The following PLIN5 variants were observed in gnomAD, a reference collection of about 807,000 sequenced individuals.
The protein encoded by PLIN5 is perilipin 5.
Under a neutral mutation model 32.8 loss-of-function variants are expected in PLIN5, and 34 were observed. The observed-to-expected ratio is 1.04, with a 90% CI of 0.79 to 1.38. The LOEUF is 1.38. PLIN5 is among the 40% of genes most tolerant of loss of function. The probability of loss-of-function intolerance (pLI) is 0.00; values close to 1 mark genes in which losing one functional copy is unlikely to be tolerated. For missense variants in PLIN5, 712 were observed against 660.5 expected, an observed-to-expected ratio of 1.08 and a Z score of -0.85; for synonymous variants, 309 against 292.9, an observed-to-expected ratio of 1.05 and a Z score of -0.56.
In PLIN5 at chr19:4,525,562, G is replaced by T; in HGVS notation, c.720+71C>A. 1.3e-6 allele frequency: 2 copies of T among 1,560,064 alleles called. No homozygotes were observed. Among genetic ancestry groups the T allele is most frequent in the East Asian group, 2.3e-5 (1 of 44,422 alleles). Reference sequence around the variant, plus strand: ...CTGCTTTAGGCTAGCACGGGATCCGGTATTCAGCTGGTGCTCAATCCATAC... The same window carrying T: ...CTGCTTTAGGCTAGCACGGGATCCGTTATTCAGCTGGTGCTCAATCCATAC... On this transcript the variant is annotated intron_variant, in intron 6 of 7. Transcript: ENST00000381848. The surrounding 1 kb of genome is among the most constrained non-coding windows in gnomAD (Gnocchi z 5.6).
chr19:4,531,478 T>C, intron 3 of PLIN5, 149 bp downstream of exon 3: 1 of 738,130 alleles, frequency 1.4e-6, no homozygotes, highest in Non-Finnish European at 2.1e-6. Context: ...AGTGAAGAGA[T>C]TGAGGACAGG....
Position 4,525,461 on chromosome 19 carries a change from C to T in PLIN5, c.720+172G>A, listed in dbSNP as rs531577913. Reference sequence around the variant, plus strand: ...GACTCTCCAGGCAGAGCCATGACATCCCTGGGCTCCTCCAGGCCCGGGTCC... The same window carrying T: ...GACTCTCCAGGCAGAGCCATGACATTCCTGGGCTCCTCCAGGCCCGGGTCC... On this transcript the variant is annotated intron_variant, in intron 6 of 7. Coordinates refer to ENST00000381848, the MANE Select transcript of PLIN5 (RefSeq NM_001013706.3). This position sits in a 1 kb window ranked among gnomAD's most constrained non-coding sequence, Gnocchi z 5.6. Among the ~76,000 whole-genome samples, 83 of 152,306 alleles carry T rather than the reference C, an allele frequency of 5.4e-4. No homozygotes were observed. The highest frequency in any genetic ancestry group is 2.0e-3 in the African/African-American group (82 of 41,558).
At chr19:4,533,575 G>A (rs146436433) in intron 2 of PLIN5, 17 of 268,430 alleles carry the variant, frequency 6.3e-5, no homozygotes, top group Admixed American at 5.4e-4. Context: ...TGAACTGTTC[G>A]GTGCCTTTGT....
Position 4,525,762 on chromosome 19 carries a change from G to A in PLIN5, c.591C>T (p.Tyr197=). 1.2e-6 allele frequency: 2 copies of A among 1,613,620 alleles called. No homozygotes were observed. Among genetic ancestry groups the A allele is most frequent in the South Asian group, 1.1e-5 (1 of 91,086 alleles). The part of the protein sequence containing the change: ...SVEDQRRQQG[Y]FVRLGSLSAR... ...CTGACAGGGAGCCGAGGCGCACAAA[G>A]TAGCCCTGCTGTCTCCTCTGATCCT... Residue 197 remains tyrosine (Y), a synonymous_variant, in exon 6 of 8, where the codon TAC becomes TAT. Coordinates refer to ENST00000381848, the MANE Select transcript of PLIN5 (RefSeq NM_001013706.3). The surrounding 1 kb of genome is among the most constrained non-coding windows in gnomAD (Gnocchi z 5.6).
chr19:4,530,967 C>T (rs1050213559), intron 3 of PLIN5, among the ~76,000 whole-genome samples: 23 of 151,446 alleles, frequency 1.5e-4, no homozygotes, highest in Admixed American at 2.6e-4. Flanking sequence ...CATGAGCCAC[C>T]GCACCTATCA....
intron 2 of PLIN5, 62 bp downstream of exon 2, chr19:4,533,953 C>G: frequency 6.4e-7 from 1 of 1,561,808 alleles, no homozygotes; most frequent in Non-Finnish European, 8.7e-7. Context: ...TGAAACGCTC[C>G]TAGAAGGGAC....
rs1976755630 is a variant in PLIN5, at chr19:4,523,456, G to A, written c.*72C>T. 1.4e-6 allele frequency: 2 copies of A among 1,470,328 alleles called. No individual in the cohort carries two copies. Among genetic ancestry groups the A allele is most frequent in the Admixed American group, 4.8e-5 (2 of 41,880 alleles). The allele number at this position is 1,470,328 out of a possible 1,614,324, so 91.1% of individuals were successfully genotyped here. A position where few individuals can be genotyped will look rare whatever the true frequency, so the allele number is the denominator to read the frequency against. ...CAAGGCCAAGGCCTCGAGCTTACGT[G>A]TGGCCACCAGGGGGCAGCAGGGATC... On this transcript the variant is annotated 3_prime_UTR_variant, in exon 8 of 8. Transcript: ENST00000381848. The surrounding 1 kb of genome is among the most constrained non-coding windows in gnomAD (Gnocchi z 5.0).
Position 4,524,901 on chromosome 19 carries a change from C to T in PLIN5, c.834+62G>A, listed in dbSNP as rs1169120074. The T allele has an allele frequency of 2.0e-5, 28 of 1,410,726 alleles. 1 individual carries two copies. The East Asian group carries it at 7.2e-4, about 36-fold the overall frequency. 87.4% of individuals were successfully genotyped at this position (1,410,726 alleles called of 1,614,324 possible). A position where few individuals can be genotyped will look rare whatever the true frequency, so the allele number is the denominator to read the frequency against. On this transcript the variant is annotated intron_variant, in intron 7 of 7. Transcript: ENST00000381848. Reference sequence around the variant, plus strand: ...CTGGGCTGACCCGCAGTCCGTCGCTCCCCCTCTTCCTCCGCGGCCTGGTGG... The same window carrying T: ...CTGGGCTGACCCGCAGTCCGTCGCTTCCCCTCTTCCTCCGCGGCCTGGTGG...
chr19:4,525,069 TG>T lies in PLIN5; in HGVS notation c.727del (p.His243ThrfsTer6). 1 of 1,375,512 alleles carries T rather than the reference TG, an allele frequency of 7.3e-7. No individual in the cohort carries two copies. The allele number at this position is 1,375,512 out of a possible 1,614,324, so 85.2% of individuals were successfully genotyped here. ...QLQETLELIDHMQCGVTPTAP... is the reference protein window; with the variant it reads ...QLQETLELIDXMQCGVTPTAP... ...GGTGGGGGTCACCCCACACTGCATG[TG>T]GTCTATCTGCAAGGACAGAAATGGT... is the stretch of plus-strand genomic sequence containing the variant. On this transcript the variant is annotated frameshift_variant, in exon 7 of 8. Coordinates refer to ENST00000381848, the MANE Select transcript of PLIN5 (RefSeq NM_001013706.3). LOFTEE classifies it high-confidence loss of function. The surrounding 1 kb of genome is among the most constrained non-coding windows in gnomAD (Gnocchi z 5.6).
Position 4,523,667 on chromosome 19 carries a change from G to T in PLIN5, c.1253C>A (p.Ala418Asp), listed in dbSNP as rs752654390. ...AHLDWPAQQRAWEAEHRDGSG... is the reference protein window; with the variant it reads ...AHLDWPAQQRDWEAEHRDGSG... ...CCCGTCCCTGTGCTCTGCCTCCCAG[G>T]CTCTCTGCTGGGCCGGCCAGTCCAG... Residue 418 changes from alanine to aspartate, a missense_variant, in exon 8 of 8, where the codon GCC becomes GAC. By Grantham distance (126) the Ala-to-Asp change is moderately radical. Transcript: ENST00000381848. This position sits in a 1 kb window ranked among gnomAD's most constrained non-coding sequence, Gnocchi z 5.0. 2 of 1,609,194 alleles carry T rather than the reference G, an allele frequency of 1.2e-6. No homozygotes were observed. Among genetic ancestry groups the T allele is most frequent in the South Asian group, 1.1e-5 (1 of 90,830 alleles).
Position 4,524,974 on chromosome 19 carries a change from G to T in PLIN5, c.823C>A (p.Arg275Ser). 6.5e-7 allele frequency: 1 copy of T among 1,531,344 alleles called. No individual in the cohort carries two copies. The highest frequency in any genetic ancestry group is 8.8e-7 in the Non-Finnish European group (1 of 1,139,376). The allele number at this position is 1,531,344 out of a possible 1,614,324, so 94.9% of individuals were successfully genotyped here. Reference protein sequence around the residue: ...EWGQRPPESRRRSQAELETLV... With the variant: ...EWGQRPPESRSRSQAELETLV... Reference sequence around the variant, plus strand: ...TCCTGCGGTCTCACCTGGCTCCGGCGGCGGCTCTCCGGAGGGCGCTGGCCC... The same window carrying T: ...TCCTGCGGTCTCACCTGGCTCCGGCTGCGGCTCTCCGGAGGGCGCTGGCCC... Residue 275 changes from arginine (R) to serine (S), a missense_variant, in exon 7 of 8, where the codon CGC (arginine) becomes AGC (serine). By Grantham distance (110) the Arg-to-Ser change is moderately radical. Transcript: ENST00000381848.
intron 3 of PLIN5, 92 bp downstream of exon 3, chr19:4,531,535 A>G (rs1976883929): frequency 1.6e-6 from 2 of 1,253,408 alleles, no homozygotes; most frequent in Non-Finnish European, 1.0e-6. Context: ...GACCCCCAGG[A>G]GTGTCATGCA....
At chr19:4,533,959 G>T in intron 2 of PLIN5, 56 bp downstream of exon 2, 1 of 1,575,554 alleles carries the variant, frequency 6.3e-7, no homozygotes, top group East Asian at 2.3e-5. Flanking sequence ...GCTCCTAGAA[G>T]GGACTGTCCC....
intron 5 of PLIN5, among the ~76,000 whole-genome samples, chr19:4,526,580 C>T (rs1301271061): frequency 1.3e-5 from 2 of 152,174 alleles, no homozygotes; most frequent in African/African-American, 4.8e-5. Flanking sequence ...GCAGCATGCA[C>T]TTGTAATCCC....
Position 4,525,930 on chromosome 19 carries a change from ACGGGGACAGGATACGGGGACAG to A in PLIN5, c.521-120_521-99del. Reference sequence around the variant, plus strand: ...CACGGGGACAGGATACGGGGACAGCACGGGGACAGGATACGGGGACAGCACGGGGACAGCATGGGGTCAGCAC... The same window carrying A: ...CACGGGGACAGGATACGGGGACAGCACACGGGGACAGCATGGGGTCAGCAC... On this transcript the variant is annotated intron_variant, in intron 5 of 7. Coordinates refer to ENST00000381848, the MANE Select transcript of PLIN5 (RefSeq NM_001013706.3). This position sits in a 1 kb window ranked among gnomAD's most constrained non-coding sequence, Gnocchi z 5.6. The A allele has an allele frequency of 1.7e-6, 1 of 593,472 alleles. No individual in the cohort carries two copies. The highest frequency in any genetic ancestry group is 2.5e-5 in the African/African-American group (1 of 39,596). 36.8% of individuals were successfully genotyped at this position (593,472 alleles called of 1,614,324 possible). A position where few individuals can be genotyped will look rare whatever the true frequency, so the allele number is the denominator to read the frequency against.
chr19:4,528,965 C>A, intron 5 of PLIN5, 108 bp downstream of exon 5: 4 of 1,213,098 alleles, frequency 3.3e-6, no homozygotes, highest in Non-Finnish European at 4.5e-6. Flanking sequence ...ATGTTTCCTG[C>A]TGATCTGCTG....
Position 4,529,866 on chromosome 19 carries a change from A to G in PLIN5, c.257T>C (p.Leu86Pro), listed in dbSNP as rs775805572. ...QPLLEHLQPQ[L>P]ATMNSLACRG... ...GCAGGCGAGGCTGTTCATAGTGGCCACTGAAGGGAGAGAGGCGGGGAGTGA... is the reference window on the plus strand; with the variant it reads ...GCAGGCGAGGCTGTTCATAGTGGCCGCTGAAGGGAGAGAGGCGGGGAGTGA... Residue 86 changes from leucine to proline, a missense_variant and splice_region_variant, in exon 4 of 8, where the codon CTG becomes CCG. Transcript: ENST00000381848. 1.3e-6 allele frequency: 2 copies of G among 1,597,954 alleles called. No homozygotes were observed. The highest frequency in any genetic ancestry group is 1.7e-5 in the Admixed American group (1 of 58,784).
intron 4 of PLIN5, 86 bp from the exon 5 acceptor site, chr19:4,529,339 A>G: frequency 7.0e-7 from 1 of 1,421,106 alleles, no homozygotes; most frequent in South Asian, 1.4e-5. Flanking sequence ...TGGGACTCAA[A>G]GATCCCTGGA....
In PLIN5 at chr19:4,525,088, G is replaced by C; in HGVS notation, c.721-12C>G. The C allele has an allele frequency of 8.8e-7, 1 of 1,132,372 alleles. No homozygotes were observed. Among genetic ancestry groups the C allele is most frequent in the Non-Finnish European group, 1.1e-6 (1 of 875,386 alleles). The allele number at this position is 1,132,372 out of a possible 1,614,324, so 70.1% of individuals were successfully genotyped here. On this transcript the variant is annotated splice_polypyrimidine_tract_variant and intron_variant, in intron 6 of 7. Transcript: ENST00000381848. The surrounding 1 kb of genome is among the most constrained non-coding windows in gnomAD (Gnocchi z 5.6). Reference sequence around the variant, plus strand: ...TGCATGTGGTCTATCTGCAAGGACAGAAATGGTGGTCTTCAGAGCTGGGGG... The same window carrying C: ...TGCATGTGGTCTATCTGCAAGGACACAAATGGTGGTCTTCAGAGCTGGGGG...
Sources: allele counts gnomAD v4.1 joint callset (sites outside exome capture counted in the v4.1 genomes callset), GRCh38; gene constraint gnomAD v4.1.1; non-coding constraint Gnocchi (gnomAD v3.1); transcripts MANE v1.5; gene names NCBI Gene and HGNC (gene_info 2026-07-23, HGNC 2026-07-21).